APBB2: variants seen among roughly 807,000 people sequenced by gnomAD.
APBB2 encodes amyloid beta precursor protein binding family B member 2, also known as Fe65-like 1.
A neutral mutation model predicts 82.5 loss-of-function variants in APBB2; 38 were observed. The ratio of observed to expected loss-of-function variants is 0.46; its 90% CI spans 0.36 to 0.60. APBB2 has a LOEUF of 0.60. APBB2 is among the 20% of genes least tolerant of loss of function. The pLI, the probability that APBB2 is intolerant of heterozygous loss-of-function variation, is 0.00. For synonymous variants in APBB2, 341 were observed against 368.2 expected (o/e 0.93, Z 0.85); for missense variants, 772 against 972.3 (o/e 0.79, Z 2.74).
intron 6 of APBB2, among the ~76,000 whole-genome samples, chr4:40,980,522 CAGAG>C (rs1191886360): frequency 0.052 from 11 of 212 alleles, no homozygotes; most frequent in Non-Finnish European, 0.098. Context: ...GGGGGCACTG[CAGAG>C]CCAACTGCAG....
chr4:41,157,948 C>T (rs1763904839), intron 1 of APBB2, among the ~76,000 whole-genome samples: 1 of 152,130 alleles, frequency 6.6e-6, no homozygotes, highest in South Asian at 2.1e-4. Context: ...GCCGAGATTG[C>T]GCCACTGCAC....
intron 6 of APBB2, among the ~76,000 whole-genome samples, chr4:40,948,881 T>G (rs1433469570): frequency 1.2e-4 from 12 of 101,356 alleles, no homozygotes; most frequent in Non-Finnish European, 1.9e-4. Flanking sequence ...AGAAGTGAGA[T>G]CCTGTCTCCA....
At chr4:40,910,121 ATTTT>A (rs34289899) in intron 10 of APBB2, among the ~76,000 whole-genome samples, 5 of 142,780 alleles carry the variant, frequency 3.5e-5, no homozygotes, top group South Asian at 2.3e-4. Flanking sequence ...TGCCTGGCTA[ATTTT>A]TTTTTTTTTT....
intron 6 of APBB2, among the ~76,000 whole-genome samples, chr4:40,961,141 T>C (rs888587300): frequency 6.6e-6 from 1 of 152,162 alleles, no homozygotes; most frequent in East Asian, 1.9e-4. Context: ...CAGGCTTCTA[T>C]GTGAAAGGGA....
intron 12 of APBB2, among the ~76,000 whole-genome samples, chr4:40,857,447 C>G (rs1761639725): frequency 6.6e-6 from 1 of 152,138 alleles, no homozygotes; most frequent in Admixed American, 6.5e-5. Context: ...AAAGTTGATG[C>G]TCTAGGCCTG....
At chr4:41,032,241 C>T (rs1717099645) in intron 5 of APBB2, among the ~76,000 whole-genome samples, 1 of 152,110 alleles carries the variant, frequency 6.6e-6, no homozygotes, top group Admixed American at 6.6e-5. Context: ...ACTTGCTGAG[C>T]AATATGTGCC....
chr4:40,932,044 G>A (rs540878288), intron 10 of APBB2, among the ~76,000 whole-genome samples: 4 of 152,220 alleles, frequency 2.6e-5, no homozygotes, highest in South Asian at 2.1e-4. Flanking sequence ...CAACACAGCC[G>A]GAAGGGAAAA....
At chr4:41,070,307 A>AT (rs1440875431) in intron 3 of APBB2, among the ~76,000 whole-genome samples, 3 of 151,904 alleles carry the variant, frequency 2.0e-5, no homozygotes, top group Non-Finnish European at 4.4e-5. Flanking sequence ...ATTTTATTTT[A>AT]TTTTACTTAT....
At chr4:41,068,465 GTC>G (rs1732681267) in intron 3 of APBB2, among the ~76,000 whole-genome samples, 1 of 152,154 alleles carries the variant, frequency 6.6e-6, no homozygotes, top group Non-Finnish European at 1.5e-5. Flanking sequence ...AGTTGGCAAC[GTC>G]TCTTTGTTGA....
intron 6 of APBB2, among the ~76,000 whole-genome samples, chr4:40,989,092 C>T (rs1463419996): frequency 6.6e-6 from 1 of 152,084 alleles, no homozygotes. Context: ...TTGCAATGTT[C>T]ATAAAGTGGG....
In APBB2 at chr4:40,950,007, C is replaced by T. The variant is rs145389438; in HGVS notation, c.836-4934G>A. ...CGCACCGTGGGAACCCAACTCAGAG[C>T]GACTCGCCTGGAGGACTGGAATTCG... On this transcript the variant is annotated intron_variant, in intron 6 of 17. Transcript: ENST00000508593. Among the ~76,000 whole-genome samples the T allele has an allele frequency of 1.7e-3, 266 of 152,232 alleles. 1 individual carries two copies. The highest frequency in any genetic ancestry group is 5.9e-3 in the African/African-American group (245 of 41,538).
intron 1 of APBB2, among the ~76,000 whole-genome samples, chr4:41,182,346 G>A (rs1197718125): frequency 2.0e-5 from 3 of 152,238 alleles, no homozygotes; most frequent in Middle Eastern, 3.4e-3. Flanking sequence ...CTCTAATTGC[G>A]AACATTCAGT....
At chr4:40,859,012 C>G (rs1349315619) in intron 12 of APBB2, among the ~76,000 whole-genome samples, 1 of 152,186 alleles carries the variant, frequency 6.6e-6, no homozygotes, top group Non-Finnish European at 1.5e-5. Context: ...ACCTGTCACC[C>G]CTTCAAAGGC....
At chr4:40,888,025 G>A (rs1019906897) in intron 12 of APBB2, among the ~76,000 whole-genome samples, 5 of 152,150 alleles carry the variant, frequency 3.3e-5, no homozygotes, top group African/African-American at 1.2e-4. Flanking sequence ...GTGATCAAGC[G>A]TACTTCAAGT....
At chr4:40,960,349 A>G (rs992595708) in intron 6 of APBB2, among the ~76,000 whole-genome samples, 10 of 152,206 alleles carry the variant, frequency 6.6e-5, no homozygotes, top group South Asian at 4.1e-4. Context: ...AACACAAGAG[A>G]ATAGACCCAT....
At position 40,814,426 on chromosome 4, in the gene APBB2, C is replaced by CT. The variant is rs1307159277; in HGVS notation, c.*1665dup. On this transcript the variant is annotated 3_prime_UTR_variant, in exon 18 of 18. Coordinates refer to ENST00000508593, the MANE Select transcript of APBB2 (RefSeq NM_004307.2). ...GGCAGCACAACACAGCAAGAACGGG[C>CT]TTTGGGAGCCGTGGGTCCTAGTCCT... 2.6e-5 allele frequency: 4 copies of CT among 152,166 alleles called. No individual in the cohort carries two copies. Among genetic ancestry groups the CT allele is most frequent in the African/African-American group, 9.7e-5 (4 of 41,450 alleles). The allele number at this position is 152,166 out of a possible 1,614,324, so 9.4% of individuals were successfully genotyped here.
intron 6 of APBB2, among the ~76,000 whole-genome samples, chr4:40,998,186 T>G (rs1306729191): frequency 1.3e-5 from 2 of 152,264 alleles, no homozygotes; most frequent in East Asian, 3.8e-4. Flanking sequence ...GCTTGACAGC[T>G]TCCCAATAAT....
At chr4:41,196,084 G>C in intron 1 of APBB2, among the ~76,000 whole-genome samples, 3 of 151,870 alleles carry the variant, frequency 2.0e-5, no homozygotes, top group African/African-American at 7.3e-5. Context: ...GCGTGAACCC[G>C]GGAGGCGGAG....
Position 40,907,666 on chromosome 4 carries a change from T to C in APBB2, c.1255-14255A>G, listed in dbSNP as rs1004603139. Among the ~76,000 whole-genome samples, 3 of 128,464 alleles carry C rather than the reference T, an allele frequency of 2.3e-5. No individual in the cohort carries two copies. The Admixed American group carries it at 2.7e-4, about 12-fold the overall frequency. 84.3% of individuals were successfully genotyped at this position (128,464 alleles called of 152,430 possible). ...GATTACAGGTGTGAGCCACTGTGCC[T>C]GACCCTTTTTTTTTTTTTTTTTTTT... On this transcript the variant is annotated intron_variant, in intron 10 of 17. Transcript: ENST00000508593.
Sources: gnomAD v4.1 joint callset for allele counts (sites outside exome capture counted in the v4.1 genomes callset) on GRCh38, gnomAD v4.1.1 for gene constraint, MANE v1.5 for transcripts, NCBI Gene and HGNC (gene_info 2026-07-23, HGNC 2026-07-21) for gene names.